Variants in TUSC3 observed in about 807,000 individuals in gnomAD.
The protein encoded by TUSC3 is dolichyl-diphosphooligosaccharide--protein glycosyltransferase subunit TUSC3.
In TUSC3, 45 loss-of-function variants were observed where a neutral mutation model predicts 44.8. The observed-to-expected ratio is 1.00, with a 90% CI of 0.79 to 1.29. The LOEUF is 1.29. TUSC3 is among the 50% of genes most tolerant of loss of function. The pLI, the probability that TUSC3 is intolerant of heterozygous loss-of-function variation, is 0.00. For synonymous variants in TUSC3, 212 were observed against 152.9 expected, an observed-to-expected ratio of 1.39 and a Z score of -2.85; for missense variants, 519 against 437.9, an observed-to-expected ratio of 1.19 and a Z score of -1.65.
intron 1 of TUSC3, among the ~76,000 whole-genome samples, chr8:15,566,189 A>C (rs963472035): frequency 6.6e-6 from 1 of 152,148 alleles, no homozygotes; most frequent in Admixed American, 6.5e-5. Context: ...GCAGTGATTC[A>C]TGTAATATAT....
At chr8:15,568,761 A>G (rs760931710) in intron 1 of TUSC3, among the ~76,000 whole-genome samples, 6 of 151,930 alleles carry the variant, frequency 3.9e-5, no homozygotes, top group East Asian at 1.9e-4. Flanking sequence ...GCCACCACAC[A>G]TGGCTAATTT....
At position 15,562,808 on chromosome 8, in the gene TUSC3, C is replaced by G. The variant is rs532450158; in HGVS notation, c.138+22240C>G. 3.9e-5 allele frequency among the ~76,000 whole-genome samples: 6 copies of G among 152,256 alleles called. No individual in the cohort carries two copies. In the East Asian group the frequency reaches 9.7e-4, roughly 25 times the overall value. On this transcript the variant is annotated intron_variant, in intron 1 of 10. Transcript: ENST00000503731. ...TGGCTATTTGCTTTATTCCAGATCA[C>G]TAGGATCACTTTTGTGACACTTCTT...
Position 15,713,227 on chromosome 8 carries a change from G to T in TUSC3, c.799-17439G>T, listed in dbSNP as rs148081587. Among the ~76,000 whole-genome samples the T allele has an allele frequency of 1.1e-4, 16 of 152,092 alleles. No homozygotes were observed. In the East Asian group the frequency reaches 2.9e-3, roughly 28 times the overall value. On this transcript the variant is annotated intron_variant, in intron 6 of 10. Coordinates refer to ENST00000503731, the MANE Select transcript of TUSC3 (RefSeq NM_006765.4). ...CATACTCATTCCAAAGGTAACAGTG[G>T]TTTACAGTTTTATGTGGTTTCTTCT...
At chr8:15,568,586 A>C (rs2129142463) in intron 1 of TUSC3, among the ~76,000 whole-genome samples, 1 of 152,176 alleles carries the variant, frequency 6.6e-6, no homozygotes, top group South Asian at 2.1e-4. Context: ...ATAATACAGA[A>C]ATTAAAAATA....
chr8:15,581,508 C>T (rs1292703887), intron 1 of TUSC3, among the ~76,000 whole-genome samples: 3 of 147,092 alleles, frequency 2.0e-5, no homozygotes, highest in Admixed American at 1.3e-4. Flanking sequence ...TGTGGATGTC[C>T]TTTCTGTTTG....
chr8:15,591,380 T>A lies in TUSC3; in HGVS notation c.139-31700T>A, dbSNP rs1217122774. 4.6e-5 allele frequency among the ~76,000 whole-genome samples: 7 copies of A among 152,160 alleles called. No homozygotes were observed. The South Asian group carries it at 1.4e-3, about 32-fold the overall frequency. On this transcript the variant is annotated intron_variant, in intron 1 of 10. Coordinates refer to ENST00000503731, the MANE Select transcript of TUSC3 (RefSeq NM_006765.4). ...TATAAAACATGTCATATAGAATAGG[T>A]TTTTGGACAAAGTTTAATCTATTCA...
At chr8:15,714,349 T>C (rs921469900) in intron 6 of TUSC3, among the ~76,000 whole-genome samples, 1 of 152,182 alleles carries the variant, frequency 6.6e-6, no homozygotes, top group Non-Finnish European at 1.5e-5. Flanking sequence ...GTTGAAGTTA[T>C]TATGCCATCA....
intron 6 of TUSC3, among the ~76,000 whole-genome samples, chr8:15,703,421 G>T (rs1809487013): frequency 6.6e-6 from 1 of 152,028 alleles, no homozygotes; most frequent in South Asian, 2.1e-4. Context: ...TTTGAAGTTT[G>T]TCTTGTTTTT....
intron 6 of TUSC3, among the ~76,000 whole-genome samples, chr8:15,698,042 T>C (rs1809244334): frequency 6.6e-6 from 1 of 152,146 alleles, no homozygotes; most frequent in Non-Finnish European, 1.5e-5. Context: ...CCATACAAAT[T>C]TAAAAACAAT....
chr8:15,612,898 C>G (rs568889422), intron 1 of TUSC3, among the ~76,000 whole-genome samples: 1 of 152,096 alleles, frequency 6.6e-6, no homozygotes, highest in Admixed American at 6.5e-5. Flanking sequence ...TCGGACCAGT[C>G]TAGACTTCAG....
intron 1 of TUSC3, among the ~76,000 whole-genome samples, chr8:15,443,336 T>TTGTGTGTGTGTG (rs57905950): frequency 8.3e-5 from 11 of 132,996 alleles, no homozygotes; most frequent in East Asian, 2.4e-4. Flanking sequence ...ACCCACCTAA[T>TTGTGTGTGTGTG]TGTGTGTGTG....
the TUSC3 span, among the ~76,000 whole-genome samples, chr8:15,815,464 G>C: frequency 1.3e-5 from 2 of 152,102 alleles, no homozygotes; most frequent in South Asian, 4.1e-4. Context: ...GAATACAGGA[G>C]ACTATTAGGA....
chr8:15,434,621 G>A lies in TUSC3; in HGVS notation n.91+17316G>A, dbSNP rs781581514. ...ATGTATACATGTGCCATGCTGGTGT[G>A]CTGCACCCATTAACTCGTCATTTAG... On this transcript the variant is annotated intron_variant and non_coding_transcript_variant, in intron 1 of 5. Transcript: ENST00000503191. Among the ~76,000 whole-genome samples, 41 of 150,164 alleles carry A rather than the reference G, an allele frequency of 2.7e-4. 1 individual carries two copies. Among genetic ancestry groups the A allele is most frequent in the Non-Finnish European group, 5.6e-4 (38 of 67,814 alleles).
chr8:15,850,197 G>A, the TUSC3 span, among the ~76,000 whole-genome samples: 1 of 150,462 alleles, frequency 6.6e-6, no homozygotes, highest in Non-Finnish European at 1.5e-5. Context: ...TAAGGTTTAT[G>A]GTGCTCTAAG....
intron 2 of TUSC3, among the ~76,000 whole-genome samples, chr8:15,518,490 T>C (rs933345645): frequency 5.3e-5 from 8 of 152,208 alleles, no homozygotes; most frequent in African/African-American, 1.9e-4. Context: ...GATATTATAT[T>C]TATTATAACA....
the TUSC3 span, among the ~76,000 whole-genome samples, chr8:15,776,961 G>C: frequency 6.6e-6 from 1 of 152,068 alleles, no homozygotes; most frequent in Non-Finnish European, 1.5e-5. Flanking sequence ...ACTTCTGTGT[G>C]TTGCTATCTC....
the TUSC3 span, among the ~76,000 whole-genome samples, chr8:15,808,355 G>A: frequency 6.6e-6 from 1 of 152,054 alleles, no homozygotes. Flanking sequence ...TCTCTCCAGA[G>A]CACTAGGAGA....
chr8:15,493,681 G>A (rs1035404916), intron 2 of TUSC3, among the ~76,000 whole-genome samples: 3 of 152,132 alleles, frequency 2.0e-5, no homozygotes, highest in African/African-American at 7.2e-5. Flanking sequence ...GCTGCCCTTA[G>A]GGAATGAACT....
intron 6 of TUSC3, among the ~76,000 whole-genome samples, chr8:15,694,620 G>C (rs1052616351): frequency 6.6e-6 from 1 of 151,834 alleles, no homozygotes; most frequent in Non-Finnish European, 1.5e-5. Flanking sequence ...TCTTTTATCC[G>C]CTTTGATATC....
Sources: allele counts gnomAD v4.1 joint callset (sites outside exome capture counted in the v4.1 genomes callset), GRCh38; gene constraint gnomAD v4.1.1; transcripts MANE v1.5; gene names NCBI Gene and HGNC (gene_info 2026-07-23, HGNC 2026-07-21).